Variants in EBF2 observed in about 807,000 individuals in gnomAD.
EBF2 encodes the protein EBF transcription factor 2.
EBF2 carries 21 observed loss-of-function variants against 72.8 expected under a neutral mutation model. The ratio of observed to expected loss-of-function variants is 0.29; its 90% confidence interval spans 0.20 to 0.42. EBF2 has a LOEUF of 0.42. Among genes scored for constraint, EBF2 ranks in the 10% least tolerant of loss-of-function variants. The pLI is 1.00. For missense variants in EBF2, 637 were observed against 731.2 expected, an observed-to-expected ratio of 0.87 and a Z score of 1.49; for synonymous variants, 299 against 274.2, an observed-to-expected ratio of 1.09 and a Z score of -0.89.
intron 6 of EBF2, among the ~76,000 whole-genome samples, chr8:25,962,160 T>A (rs1466029341): frequency 6.6e-6 from 1 of 152,176 alleles, no homozygotes; most frequent in Non-Finnish European, 1.5e-5. Context: ...AGTTCATGTG[T>A]TCCTGTGCAT....
intron 6 of EBF2, among the ~76,000 whole-genome samples, chr8:25,929,003 C>T (rs527480452): frequency 1.3e-5 from 2 of 152,262 alleles, no homozygotes; most frequent in South Asian, 4.2e-4. Flanking sequence ...TATCTCCACA[C>T]TCAATAACCA....
intron 6 of EBF2, among the ~76,000 whole-genome samples, chr8:25,916,278 T>G (rs1163996744): frequency 2.9e-5 from 3 of 102,632 alleles, no homozygotes; most frequent in Non-Finnish European, 5.6e-5. Context: ...AGAGTGAGAC[T>G]CTATCTCAAA....
chr8:25,938,915 T>C (rs894032199), intron 6 of EBF2, among the ~76,000 whole-genome samples: 8 of 152,146 alleles, frequency 5.3e-5, no homozygotes, highest in African/African-American at 1.9e-4. Context: ...AAGCTCACCA[T>C]TCACGTCAAG....
intron 6 of EBF2, among the ~76,000 whole-genome samples, chr8:25,929,471 T>C (rs997895762): frequency 1.3e-4 from 20 of 152,216 alleles, no homozygotes; most frequent in African/African-American, 4.8e-4. Context: ...CTTTTTATTG[T>C]GGGCTTACTC....
intron 6 of EBF2, among the ~76,000 whole-genome samples, chr8:25,928,325 C>G (rs1187527231): frequency 6.6e-6 from 1 of 152,152 alleles, no homozygotes; most frequent in Non-Finnish European, 1.5e-5. Context: ...TAAGGCTTAT[C>G]TGGGTTAGCT....
At chr8:26,005,572 A>T (rs1804864415) in intron 6 of EBF2, among the ~76,000 whole-genome samples, 1 of 74,276 alleles carries the variant, frequency 1.3e-5, no homozygotes, top group Admixed American at 2.0e-4. Context: ...AGAGAGAGAG[A>T]GAGAGAGGTA....
intron 6 of EBF2, among the ~76,000 whole-genome samples, chr8:25,992,853 ATC>A (rs1173042749): frequency 6.6e-6 from 1 of 151,514 alleles, no homozygotes; most frequent in African/African-American, 2.4e-5. Flanking sequence ...GCAGTGAGCT[ATC>A]ACCCCACTGC....
intron 6 of EBF2, among the ~76,000 whole-genome samples, chr8:25,972,025 CA>C (rs1420079886): frequency 1.3e-5 from 2 of 152,204 alleles, no homozygotes; most frequent in African/African-American, 4.8e-5. Flanking sequence ...TAGTGCTCTG[CA>C]AGGGGGTGGC....
intron 6 of EBF2, among the ~76,000 whole-genome samples, chr8:25,934,514 G>A (rs901537701): frequency 6.6e-6 from 1 of 152,138 alleles, no homozygotes; most frequent in Admixed American, 6.5e-5. Flanking sequence ...AGAGTTGGAA[G>A]CACACGAATC....
chr8:25,936,698 G>A (rs1316351184), intron 6 of EBF2, among the ~76,000 whole-genome samples: 2 of 152,100 alleles, frequency 1.3e-5, no homozygotes, highest in Non-Finnish European at 2.9e-5. Context: ...CGTTGTTGTT[G>A]TTGTTTTGTT....
intron 6 of EBF2, among the ~76,000 whole-genome samples, chr8:25,941,237 G>C (rs1383750580): frequency 7.3e-6 from 1 of 137,120 alleles, no homozygotes; most frequent in Admixed American, 7.9e-5. Context: ...ACAGGGTCTT[G>C]CTCTGCTGCC....
chr8:26,005,561 T>TATATATATATATAGAG (rs375386709), intron 6 of EBF2, among the ~76,000 whole-genome samples: 3 of 63,886 alleles, frequency 4.7e-5, no homozygotes, highest in African/African-American at 7.3e-5. Flanking sequence ...TATATATATA[T>TATATATATATATAGAG]AGAGAGAGAG....
intron 6 of EBF2, among the ~76,000 whole-genome samples, chr8:25,910,252 C>A (rs533651594): frequency 6.6e-6 from 1 of 152,190 alleles, no homozygotes; most frequent in South Asian, 2.1e-4. Context: ...TTTGTACACT[C>A]GTAGCAGAGT....
At chr8:25,996,721 T>C (rs985533) in intron 6 of EBF2, among the ~76,000 whole-genome samples, 80,745 of 151,826 alleles carry the variant, frequency 0.53, 22,892 homozygotes, top group Admixed American at 0.62. Context: ...TTAAGCAGAA[T>C]TGACAATAAA....
chr8:25,904,638 A>G (rs988078124), intron 7 of EBF2, among the ~76,000 whole-genome samples: 9 of 152,198 alleles, frequency 5.9e-5, no homozygotes, highest in African/African-American at 1.7e-4. Flanking sequence ...AGTGAGATAC[A>G]TACTCTAGGA....
At chr8:25,862,096 C>A (rs1388136949) in intron 11 of EBF2, among the ~76,000 whole-genome samples, 1 of 152,156 alleles carries the variant, frequency 6.6e-6, no homozygotes, top group African/African-American at 2.4e-5. Flanking sequence ...GAGAATATGG[C>A]ATTTTATAAT....
chr8:25,947,442 G>A (rs1803789670), intron 6 of EBF2, among the ~76,000 whole-genome samples: 1 of 152,198 alleles, frequency 6.6e-6, no homozygotes, highest in South Asian at 2.1e-4. Context: ...TATTAGCAGT[G>A]TGAGAACAGA....
chr8:25,867,612 G>A (rs1383441653), intron 10 of EBF2, among the ~76,000 whole-genome samples: 1 of 152,180 alleles, frequency 6.6e-6, no homozygotes, highest in African/African-American at 2.4e-5. Context: ...TTTGCTGTAC[G>A]TTCCCCTGGG....
rs970326629 is a variant in EBF2 at position 26,045,119 on chromosome 8, C to A, written c.-260G>T. On this transcript the variant is annotated 5_prime_UTR_variant, in exon 1 of 16. Coordinates refer to ENST00000520164, the MANE Select transcript of EBF2 (RefSeq NM_022659.4). Reference sequence around the variant, plus strand: ...CCGCCTCAGCCACTCCACCCTAGGTCGCTCGCATCCTTCCAGCTGCAGTGC... The same window carrying A: ...CCGCCTCAGCCACTCCACCCTAGGTAGCTCGCATCCTTCCAGCTGCAGTGC... 7 of 333,934 alleles carry A rather than the reference C, an allele frequency of 2.1e-5. No homozygotes were observed. Among genetic ancestry groups the A allele is most frequent in the African/African-American group, 1.2e-4 (6 of 48,826 alleles). The allele number at this position is 333,934 out of a possible 1,614,324, so 20.7% of individuals were successfully genotyped here. A position where few individuals can be genotyped will look rare whatever the true frequency, so the allele number is the denominator to read the frequency against.
Sources: allele counts gnomAD v4.1 joint callset (sites outside exome capture counted in the v4.1 genomes callset), GRCh38; gene constraint gnomAD v4.1.1; transcripts MANE v1.5; gene names NCBI Gene and HGNC (gene_info 2026-07-23, HGNC 2026-07-21).